CCDC171: variants seen among roughly 807,000 people sequenced by gnomAD.
The protein encoded by CCDC171 is coiled-coil domain containing 171.
In CCDC171, 177 loss-of-function variants were observed where a neutral mutation model predicts 168.2. The observed-to-expected ratio is 1.05, with a 90% CI of 0.93 to 1.19. The LOEUF is 1.19. Among genes scored for constraint, CCDC171 ranks in the 50% most tolerant of loss-of-function variants. CCDC171 has a pLI of 0.00. For missense variants in CCDC171, 1,991 were observed against 1,539.0 expected, an observed-to-expected ratio of 1.29 and a Z score of -4.91; for synonymous variants, 687 against 540.8, an observed-to-expected ratio of 1.27 and a Z score of -3.75.
At chr9:15,740,202 T>C (rs2054771225) in intron 16 of CCDC171, among the ~76,000 whole-genome samples, 1 of 152,194 alleles carries the variant, frequency 6.6e-6, no homozygotes, top group Non-Finnish European at 1.5e-5. Flanking sequence ...TATGGTCTAT[T>C]TGGAATTTAC....
intron 23 of CCDC171, 39 bp downstream of exon 23, chr9:15,848,986 A>G (rs1442254191): frequency 1.9e-6 from 2 of 1,051,944 alleles, no homozygotes; most frequent in Non-Finnish European, 2.8e-6. Context: ...AATTTGTGTC[A>G]TGACACCTAG....
At chr9:16,060,073 C>A (rs865936086) in intron 1 of CCDC171, among the ~76,000 whole-genome samples, 1 of 152,096 alleles carries the variant, frequency 6.6e-6, no homozygotes, top group Non-Finnish European at 1.5e-5. Context: ...TTGAGGGAGA[C>A]GTAGCATGTA....
intron 24 of CCDC171, among the ~76,000 whole-genome samples, chr9:15,898,503 T>C (rs902312641): frequency 6.6e-6 from 1 of 152,196 alleles, no homozygotes; most frequent in African/African-American, 2.4e-5. Context: ...TTCAAGTATC[T>C]GCATAAGAAG....
At chr9:15,670,546 C>G (rs1233508130) in intron 9 of CCDC171, among the ~76,000 whole-genome samples, 1 of 151,982 alleles carries the variant, frequency 6.6e-6, no homozygotes, top group Non-Finnish European at 1.5e-5. Flanking sequence ...GCATAGTATG[C>G]CATTTTTTTC....
chr9:15,690,700 A>G (rs2050719987), intron 10 of CCDC171, among the ~76,000 whole-genome samples: 1 of 152,072 alleles, frequency 6.6e-6, no homozygotes, highest in Non-Finnish European at 1.5e-5. Context: ...AGAATATATT[A>G]TAGTCAGATG....
intron 14 of CCDC171, among the ~76,000 whole-genome samples, chr9:15,726,827 A>C (rs935959578): frequency 2.6e-5 from 4 of 152,076 alleles, no homozygotes; most frequent in Non-Finnish European, 5.9e-5. Flanking sequence ...TCTATTAAAA[A>C]ATCTTGAGGG....
At chr9:16,002,560 A>G (rs1190230287) in intron 3 of CCDC171, among the ~76,000 whole-genome samples, 3 of 152,210 alleles carry the variant, frequency 2.0e-5, no homozygotes, top group African/African-American at 7.2e-5. Flanking sequence ...TTAAAAGTCT[A>G]TAAAGTAGAA....
chr9:16,050,098 G>T (rs1833726469), intron 1 of CCDC171, among the ~76,000 whole-genome samples: 1 of 152,098 alleles, frequency 6.6e-6, no homozygotes. Flanking sequence ...TGTTGGCCAG[G>T]CTGGTCTCGA....
At chr9:15,568,009 G>A (rs563747150) in intron 2 of CCDC171, among the ~76,000 whole-genome samples, 1 of 151,502 alleles carries the variant, frequency 6.6e-6, no homozygotes, top group African/African-American at 2.4e-5. Flanking sequence ...AAATGGAATT[G>A]TTTTCTTAAT....
At chr9:16,104,945 T>C in the CCDC171 span, among the ~76,000 whole-genome samples, 10 of 152,128 alleles carry the variant, frequency 6.6e-5, no homozygotes, top group South Asian at 2.1e-4. Context: ...GACCATCTCA[T>C]TGGGATTTGA....
intron 3 of CCDC171, among the ~76,000 whole-genome samples, chr9:16,010,691 G>T (rs1832844645): frequency 6.6e-6 from 1 of 151,514 alleles, no homozygotes; most frequent in Non-Finnish European, 1.5e-5. Context: ...AGCACACCTA[G>T]GTTCAACTGC....
intron 18 of CCDC171, among the ~76,000 whole-genome samples, chr9:15,774,246 TAAAAAAA>T (rs56239417): frequency 7.9e-5 from 3 of 37,986 alleles, no homozygotes; most frequent in Non-Finnish European, 9.1e-5. Context: ...ACGCTGTCTT[TAAAAAAA>T]AAAAAAAAAA....
intron 18 of CCDC171, among the ~76,000 whole-genome samples, chr9:15,759,010 C>T (rs779418057): frequency 1.7e-4 from 26 of 152,214 alleles, no homozygotes; most frequent in Admixed American, 3.9e-4. Context: ...GCATCCATGT[C>T]GCTGCAAAGG....
intron 7 of CCDC171, among the ~76,000 whole-genome samples, chr9:15,643,717 G>A (rs1227496806): frequency 6.6e-6 from 1 of 152,068 alleles, no homozygotes; most frequent in Non-Finnish European, 1.5e-5. Context: ...AGCAGCTACT[G>A]CCCTTTTCGT....
chr9:15,792,133 C>T (rs1015187631), intron 21 of CCDC171, among the ~76,000 whole-genome samples: 1 of 152,170 alleles, frequency 6.6e-6, no homozygotes, highest in African/African-American at 2.4e-5. Context: ...CTTAAATGAC[C>T]TGATGGAGCT....
chr9:15,845,155 A>G (rs1303984268), intron 21 of CCDC171, among the ~76,000 whole-genome samples: 1 of 152,140 alleles, frequency 6.6e-6, no homozygotes, highest in Non-Finnish European at 1.5e-5. Context: ...TTTTTTAAAT[A>G]AAGAAATCTT....
chr9:15,887,621 A>G (rs1819610326), intron 24 of CCDC171, among the ~76,000 whole-genome samples: 1 of 152,208 alleles, frequency 6.6e-6, no homozygotes, highest in African/African-American at 2.4e-5. Context: ...ACGTTTGTAG[A>G]CACTAAGCCA....
chr9:15,586,838 C>T (rs77005629), intron 4 of CCDC171, among the ~76,000 whole-genome samples: 12,879 of 152,032 alleles, frequency 0.085, 715 homozygotes, highest in Non-Finnish European at 0.13. Flanking sequence ...GACAGAGTAT[C>T]ACTTTGTTGC....
At chr9:15,695,577 G>A (rs2051151853) in intron 11 of CCDC171, among the ~76,000 whole-genome samples, 1 of 152,134 alleles carries the variant, frequency 6.6e-6, no homozygotes, top group African/African-American at 2.4e-5. Flanking sequence ...TGTGTGATTG[G>A]ACAGACAAGG....
Sources: allele counts gnomAD v4.1 joint callset (sites outside exome capture counted in the v4.1 genomes callset), GRCh38; gene constraint gnomAD v4.1.1; transcripts MANE v1.5; gene names NCBI Gene and HGNC (gene_info 2026-07-23, HGNC 2026-07-21).